The following CREM variants were observed in gnomAD, a reference collection of about 807,000 sequenced individuals.
CREM encodes the protein cAMP-responsive element modulator.
In CREM, 13 loss-of-function variants were observed where a neutral mutation model predicts 37.3. The ratio of observed to expected loss-of-function variants is 0.35; its 90% CI spans 0.23 to 0.55. The LOEUF is 0.55. CREM is among the 20% of genes least tolerant of loss of function. CREM has a pLI of 0.88. For synonymous variants in CREM, 124 were observed against 120.2 expected, an observed-to-expected ratio of 1.03 and a Z score of -0.21; for missense variants, 296 against 362.3, an observed-to-expected ratio of 0.82 and a Z score of 1.49.
chr10:35,170,488 C>G (rs769846581), intron 3 of CREM, among the ~76,000 whole-genome samples: 1 of 152,130 alleles, frequency 6.6e-6, no homozygotes, highest in Non-Finnish European at 1.5e-5. Context: ...CCAGCTCCTC[C>G]TTGTACTTCT....
chr10:35,148,613 C>T (rs1157377193), intron 3 of CREM, 122 bp downstream of exon 3: 1 of 1,120,064 alleles, frequency 8.9e-7, no homozygotes, highest in Non-Finnish European at 1.2e-6. Flanking sequence ...GCCATTCTTG[C>T]TTATTTGATT....
intron 6 of CREM, among the ~76,000 whole-genome samples, chr10:35,203,638 G>A (rs1478996603): frequency 1.3e-5 from 2 of 152,176 alleles, no homozygotes; most frequent in Non-Finnish European, 2.9e-5. Context: ...GTTGCAGTGA[G>A]CCGAGATTGT....
At chr10:35,138,374 T>A (rs1386140162) in intron 2 of CREM, among the ~76,000 whole-genome samples, 1 of 152,244 alleles carries the variant, frequency 6.6e-6, no homozygotes, top group Non-Finnish European at 1.5e-5. Context: ...CCACTTTTTG[T>A]AAAGTTATTT....
chr10:35,190,297 A>G (rs1200544099), intron 6 of CREM, among the ~76,000 whole-genome samples: 4 of 152,064 alleles, frequency 2.6e-5, no homozygotes, highest in Non-Finnish European at 5.9e-5. Flanking sequence ...TATGTCTTTA[A>G]TGTATCTGGG....
At chr10:35,196,927 T>G (rs1008816794) in intron 6 of CREM, among the ~76,000 whole-genome samples, 3 of 140,064 alleles carry the variant, frequency 2.1e-5, no homozygotes, top group African/African-American at 7.9e-5. Context: ...TGGAGTGCAG[T>G]GGCGCGATCT....
chr10:35,175,238 G>A (rs2093995731), intron 3 of CREM, among the ~76,000 whole-genome samples: 1 of 151,380 alleles, frequency 6.6e-6, no homozygotes, highest in Non-Finnish European at 1.5e-5. Context: ...ACAAGGTCAG[G>A]AGATCGAGAC....
chr10:35,199,583 T>C (rs1361045908), intron 6 of CREM, among the ~76,000 whole-genome samples: 1 of 152,160 alleles, frequency 6.6e-6, no homozygotes, highest in Admixed American at 6.6e-5. Context: ...CAGGTAGGCC[T>C]CACTAGGAAA....
intron 2 of CREM, among the ~76,000 whole-genome samples, chr10:35,142,756 T>C (rs4934732): frequency 0.34 from 51,383 of 151,850 alleles, 8,746 homozygotes; most frequent in South Asian, 0.35. Flanking sequence ...CAGGTGCCCA[T>C]CACTACGCCC....
At chr10:35,154,392 T>C (rs1470101535) in intron 3 of CREM, 2 of 256,792 alleles carry the variant, frequency 7.8e-6, no homozygotes, top group African/African-American at 2.2e-5. Flanking sequence ...AGATCTGCAT[T>C]ATGTTAGGTT....
chr10:35,145,991 G>A (rs145580906), intron 2 of CREM, among the ~76,000 whole-genome samples: 5 of 152,220 alleles, frequency 3.3e-5, no homozygotes, highest in African/African-American at 7.2e-5. Context: ...ATTCTGATGC[G>A]AGTTGTCCAA....
At chr10:35,163,575 T>C (rs1389251221) in intron 3 of CREM, among the ~76,000 whole-genome samples, 2 of 152,156 alleles carry the variant, frequency 1.3e-5, no homozygotes, top group Non-Finnish European at 2.9e-5. Flanking sequence ...CCCAGCACTT[T>C]GGGAAGCTGA....
intron 5 of CREM, among the ~76,000 whole-genome samples, chr10:35,185,120 T>G (rs2094501852): frequency 6.6e-6 from 1 of 151,876 alleles, no homozygotes; most frequent in Admixed American, 6.6e-5. Context: ...TTTTTTTTTT[T>G]TTGAGACGGA....
chr10:35,127,945 A>G (rs2088276553), intron 1 of CREM, among the ~76,000 whole-genome samples: 1 of 152,100 alleles, frequency 6.6e-6, no homozygotes, highest in South Asian at 2.1e-4. Flanking sequence ...TCCTGGGTTC[A>G]AGCGATTCTC....
At chr10:35,156,940 A>G (rs2092951994) in intron 3 of CREM, among the ~76,000 whole-genome samples, 1 of 152,216 alleles carries the variant, frequency 6.6e-6, no homozygotes, top group Non-Finnish European at 1.5e-5. Context: ...ATGCAACAAC[A>G]ACAACAAAAA....
chr10:35,195,826 G>C (rs1590358423), intron 6 of CREM: 2 of 532,572 alleles, frequency 3.8e-6, no homozygotes, highest in East Asian at 6.3e-5. Flanking sequence ...AAGTGGAAAA[G>C]TTAAAACTCC....
intron 1 of CREM, among the ~76,000 whole-genome samples, chr10:35,129,480 C>T (rs2088875035): frequency 6.6e-6 from 1 of 152,102 alleles, no homozygotes; most frequent in South Asian, 2.1e-4. Flanking sequence ...ATAAGGAATC[C>T]TGACTGAATC....
Position 35,198,883 on chromosome 10 carries a change from C to T in CREM, c.599-8012C>T, listed in dbSNP as rs1302108807. 2.0e-5 allele frequency among the ~76,000 whole-genome samples: 3 copies of T among 152,368 alleles called. No homozygotes were observed. The East Asian group carries it at 5.8e-4, about 29-fold the overall frequency. On this transcript the variant is annotated intron_variant, in intron 6 of 7. Coordinates refer to ENST00000685392, the MANE Select transcript of CREM (RefSeq NM_183011.2). The stretch of plus-strand genomic sequence containing the variant: ...ATAATTTCGAGGCTGGGCGTGGTGG[C>T]TTACGCCTGTAATCCCAGCACTTTG...
intron 5 of CREM, among the ~76,000 whole-genome samples, chr10:35,184,319 T>A (rs2094465513): frequency 6.6e-6 from 1 of 152,238 alleles, no homozygotes; most frequent in South Asian, 2.1e-4. Flanking sequence ...TTTTTCTATC[T>A]TGATTTATGT....
At chr10:35,199,354 G>A (rs1228789061) in intron 6 of CREM, among the ~76,000 whole-genome samples, 1 of 152,126 alleles carries the variant, frequency 6.6e-6, no homozygotes. Flanking sequence ...AATGTAATTT[G>A]GGATATTTAT....
Sources: allele counts gnomAD v4.1 joint callset (sites outside exome capture counted in the v4.1 genomes callset), GRCh38; gene constraint gnomAD v4.1.1; transcripts MANE v1.5; gene names NCBI Gene and HGNC (gene_info 2026-07-23, HGNC 2026-07-21).